Variants in COMMD1 observed in about 807,000 individuals in gnomAD.
The protein encoded by COMMD1 is COMM domain-containing protein 1.
Under a neutral mutation model 17.2 loss-of-function variants are expected in COMMD1, and 10 were observed. The observed-to-expected ratio is 0.58, with a 90% CI of 0.36 to 0.99. COMMD1 has a LOEUF of 0.99. COMMD1 is among the 50% of genes least tolerant of loss of function. COMMD1 has a pLI of 0.01. For missense variants in COMMD1, 270 were observed against 231.8 expected, an observed-to-expected ratio of 1.17 and a Z score of -1.07; for synonymous variants, 97 against 91.6, an observed-to-expected ratio of 1.06 and a Z score of -0.34.
At chr2:62,046,743 T>C (rs1350160508) in intron 2 of COMMD1, among the ~76,000 whole-genome samples, 1 of 152,242 alleles carries the variant, frequency 6.6e-6, no homozygotes, top group Non-Finnish European at 1.5e-5. Flanking sequence ...CATTTCTTTT[T>C]TCTCTCTCCA....
chr2:61,969,557 T>G (rs73932891), intron 1 of COMMD1, among the ~76,000 whole-genome samples: 16,552 of 152,170 alleles, frequency 0.11, 2,091 homozygotes, highest in African/African-American at 0.31. Flanking sequence ...AGTACAGATT[T>G]GTTTTTGGTT....
chr2:62,112,333 G>A (rs572272751), intron 2 of COMMD1, among the ~76,000 whole-genome samples: 13 of 152,346 alleles, frequency 8.5e-5, no homozygotes, highest in Non-Finnish European at 1.6e-4. Context: ...AAACATGCAG[G>A]AAGAGATTTA....
At chr2:61,972,669 A>G (rs1267673717) in intron 1 of COMMD1, among the ~76,000 whole-genome samples, 1 of 152,220 alleles carries the variant, frequency 6.6e-6, no homozygotes, top group Non-Finnish European at 1.5e-5. Context: ...TTGTCTAACC[A>G]GGAGGCAAAC....
intron 2 of COMMD1, among the ~76,000 whole-genome samples, chr2:62,057,140 A>T (rs896398235): frequency 3.9e-4 from 60 of 152,272 alleles, no homozygotes; most frequent in African/African-American, 1.4e-3. Context: ...CCCACTGATT[A>T]TGCATTATGG....
chr2:61,933,386 G>A (rs1670520349), intron 1 of COMMD1, among the ~76,000 whole-genome samples: 1 of 151,932 alleles, frequency 6.6e-6, no homozygotes, highest in South Asian at 2.1e-4. Context: ...TGGCAGGGGT[G>A]TGGGGGGTAA....
chr2:62,069,458 T>G (rs190686001), intron 2 of COMMD1: 3 of 152,328 alleles, frequency 2.0e-5, no homozygotes, highest in East Asian at 1.9e-4. Flanking sequence ...TTTCATTGAT[T>G]AGGGCCAGGC....
chr2:62,133,475 T>G (rs938114330), intron 2 of COMMD1, among the ~76,000 whole-genome samples: 17 of 151,578 alleles, frequency 1.1e-4, no homozygotes, highest in Admixed American at 2.0e-4. Context: ...TGACAAAAGA[T>G]TCACAGGAGA....
intron 2 of COMMD1, among the ~76,000 whole-genome samples, chr2:62,015,170 C>T (rs1234058016): frequency 1.3e-5 from 2 of 152,278 alleles, no homozygotes; most frequent in Non-Finnish European, 2.9e-5. Context: ...ACACATTAAA[C>T]AATAATTCCC....
At chr2:61,979,739 T>C (rs1403304283) in intron 1 of COMMD1, among the ~76,000 whole-genome samples, 1 of 146,996 alleles carries the variant, frequency 6.8e-6, no homozygotes, top group African/African-American at 2.6e-5. Flanking sequence ...GTCTTTTGGA[T>C]ATAAGTCATT....
chr2:62,111,989 C>T (rs1253630687), intron 2 of COMMD1, among the ~76,000 whole-genome samples: 3 of 152,062 alleles, frequency 2.0e-5, no homozygotes, highest in African/African-American at 4.8e-5. Flanking sequence ...AAGAAGTCTA[C>T]GTGGTAAGTT....
chr2:61,986,157 T>C (rs986312889), intron 1 of COMMD1, among the ~76,000 whole-genome samples: 1 of 152,020 alleles, frequency 6.6e-6, no homozygotes, highest in South Asian at 2.1e-4. Context: ...GTATAAAGTT[T>C]TTTTTTTTTT....
At chr2:62,115,853 TTTC>T (rs751518055) in intron 2 of COMMD1, among the ~76,000 whole-genome samples, 1 of 122,924 alleles carries the variant, frequency 8.1e-6, no homozygotes, top group South Asian at 2.5e-4. Flanking sequence ...TCTTTCTTTC[TTTC>T]TTTCTTTTTT....
At chr2:62,007,365 T>C (rs1318690516) in intron 2 of COMMD1, among the ~76,000 whole-genome samples, 1 of 152,226 alleles carries the variant, frequency 6.6e-6, no homozygotes, top group Non-Finnish European at 1.5e-5. Context: ...GGGTTCTGTA[T>C]TAAAAACTCA....
intron 2 of COMMD1, among the ~76,000 whole-genome samples, chr2:62,114,383 A>G (rs1672531828): frequency 6.6e-6 from 1 of 152,068 alleles, no homozygotes; most frequent in Non-Finnish European, 1.5e-5. Context: ...TCTGCATACT[A>G]CCTCCCTTGC....
chr2:61,986,189 C>G (rs1672100295), intron 1 of COMMD1, among the ~76,000 whole-genome samples: 2 of 151,254 alleles, frequency 1.3e-5, no homozygotes, highest in East Asian at 3.9e-4. Flanking sequence ...TTAAATATGT[C>G]ATGCCAATCT....
intron 1 of COMMD1, among the ~76,000 whole-genome samples, chr2:61,976,003 A>C (rs890704435): frequency 1.3e-5 from 2 of 152,132 alleles, no homozygotes; most frequent in Non-Finnish European, 2.9e-5. Flanking sequence ...AGTGGTGTTC[A>C]TTTCAGCTGT....
chr2:62,103,119 C>T (rs1050019269), intron 2 of COMMD1, among the ~76,000 whole-genome samples: 15 of 152,118 alleles, frequency 9.9e-5, no homozygotes, highest in African/African-American at 2.4e-4. Flanking sequence ...GCTGGGACTA[C>T]AGGTGCCTGC....
chr2:61,994,635 G>T (rs894826881), intron 1 of COMMD1, among the ~76,000 whole-genome samples: 2 of 152,136 alleles, frequency 1.3e-5, no homozygotes, highest in Non-Finnish European at 2.9e-5. Flanking sequence ...CTGTAGGAAG[G>T]ATGCTGAGAT....
chr2:61,974,815 A>C (rs1671749235), intron 1 of COMMD1, among the ~76,000 whole-genome samples: 1 of 152,128 alleles, frequency 6.6e-6, no homozygotes, highest in Admixed American at 6.5e-5. Flanking sequence ...CCCTATTAAT[A>C]TCTTGCATTG....
Sources: allele counts gnomAD v4.1 joint callset (sites outside exome capture counted in the v4.1 genomes callset), GRCh38; gene constraint gnomAD v4.1.1; transcripts MANE v1.5; gene names NCBI Gene and HGNC (gene_info 2026-07-23, HGNC 2026-07-21).